Variants in SHANK2 observed in about 807,000 individuals in gnomAD.
SHANK2 encodes the protein SH3 and multiple ankyrin repeat domains 2, also known as SH3 and multiple ankyrin repeat domains protein 2.
Under a neutral mutation model 133.7 loss-of-function variants are expected in SHANK2, and 43 were observed. That is an observed-to-expected ratio of 0.32 (90% CI 0.25 to 0.41). The LOEUF (loss-of-function observed/expected upper bound fraction) is 0.41. SHANK2 is among the 10% of genes least tolerant of loss of function. SHANK2 has a pLI of 1.00. For synonymous variants in SHANK2, 1,017 were observed against 952.8 expected, an observed-to-expected ratio of 1.07 and a Z score of -1.24; for missense variants, 1,994 against 2,235.8, an observed-to-expected ratio of 0.89 and a Z score of 2.18.
At chr11:70,743,818 C>T (rs574530091) in intron 14 of SHANK2, among the ~76,000 whole-genome samples, 4 of 152,296 alleles carry the variant, frequency 2.6e-5, no homozygotes, top group South Asian at 2.1e-4. Context: ...GGCTCCAAAA[C>T]GTCTTTCTTT....
At chr11:71,064,578 A>C (rs923137014) in intron 9 of SHANK2, among the ~76,000 whole-genome samples, 3 of 151,850 alleles carry the variant, frequency 2.0e-5, no homozygotes, top group African/African-American at 4.8e-5. Context: ...GAGGGAAGAC[A>C]GACTGGAAGG....
intron 15 of SHANK2, among the ~76,000 whole-genome samples, chr11:70,689,208 C>T (rs549072715): frequency 6.6e-6 from 1 of 152,054 alleles, no homozygotes; most frequent in South Asian, 2.1e-4. Flanking sequence ...GTGTGATTGA[C>T]AAAATAATAA....
chr11:70,657,256 A>G (rs1419251794), intron 17 of SHANK2, among the ~76,000 whole-genome samples: 1 of 152,190 alleles, frequency 6.6e-6, no homozygotes, highest in Non-Finnish European at 1.5e-5. Flanking sequence ...CCGGGAGCTC[A>G]GAAACCCCAC....
intron 15 of SHANK2, among the ~76,000 whole-genome samples, chr11:70,697,475 G>A (rs1945421896): frequency 2.0e-5 from 3 of 152,182 alleles, no homozygotes; most frequent in East Asian, 1.9e-4. Flanking sequence ...GTGGGTGGGT[G>A]CGAGGGGCAA....
intron 17 of SHANK2, among the ~76,000 whole-genome samples, chr11:70,529,786 A>G (rs961991314): frequency 1.3e-5 from 2 of 152,124 alleles, no homozygotes; most frequent in Admixed American, 6.5e-5. Context: ...GGAATCAGAC[A>G]CTATCTGGCC....
In SHANK2 at chr11:70,487,582, G is replaced by A. The variant is rs574473398; in HGVS notation, c.2711C>T (p.Thr904Ile). The A allele has an allele frequency of 6.2e-7, 1 of 1,613,228 alleles. No individual in the cohort carries two copies. The highest frequency in any genetic ancestry group is 8.5e-7 in the Non-Finnish European group (1 of 1,179,694). ...TGGGGACTTGGGGCAGTTGTAAGTG[G>A]TTGGGGAAGGTGGTGGTGGGGACGG... ...VPPSPPPPSPTTYNCPKSPTP... is the reference protein window; with the variant it reads ...VPPSPPPPSPITYNCPKSPTP... The change falls in exon 25 of 26, where the codon ACC becomes ATC. Residue 904 changes from threonine to isoleucine, a missense_variant. Around this residue, in one of 5 missense-constraint regions of SHANK2, gnomAD observed 488 missense variants for 642.6 expected, o/e 0.76. Transcript: ENST00000601538. This position sits in a 1 kb window ranked among gnomAD's most constrained non-coding sequence, Gnocchi z 5.8.
intron 13 of SHANK2, among the ~76,000 whole-genome samples, chr11:70,803,541 A>T (rs1028400809): frequency 6.6e-6 from 1 of 151,996 alleles, no homozygotes. Flanking sequence ...GAGCTTGTTA[A>T]CTATTCAGAT....
intron 17 of SHANK2, among the ~76,000 whole-genome samples, chr11:70,549,081 G>T (rs2059732051): frequency 6.6e-6 from 1 of 152,116 alleles, no homozygotes; most frequent in African/African-American, 2.4e-5. Context: ...CTAGCCACAG[G>T]GTCTGTGGGA....
chr11:70,696,460 T>A (rs1261428287), intron 15 of SHANK2, among the ~76,000 whole-genome samples: 2 of 152,194 alleles, frequency 1.3e-5, no homozygotes, highest in Non-Finnish European at 2.9e-5. Flanking sequence ...TATGACCACC[T>A]GCCCAGGGTC....
At chr11:70,924,458 T>A (rs7123443) in intron 10 of SHANK2, among the ~76,000 whole-genome samples, 12,803 of 151,962 alleles carry the variant, frequency 0.084, 708 homozygotes, top group African/African-American at 0.15. Context: ...GATACTTTTT[T>A]AAAAATTTTT....
chr11:70,801,302 C>T (rs782115779), intron 13 of SHANK2, among the ~76,000 whole-genome samples: 6 of 152,322 alleles, frequency 3.9e-5, no homozygotes, highest in East Asian at 1.9e-4. Flanking sequence ...GCAGAGGTGA[C>T]GTGCTGCAAG....
chr11:70,880,167 C>G (rs1453634790), intron 11 of SHANK2, among the ~76,000 whole-genome samples: 2 of 152,206 alleles, frequency 1.3e-5, no homozygotes, highest in Non-Finnish European at 2.9e-5. Flanking sequence ...GCATAGATAA[C>G]CTGGGCAGCC....
At chr11:71,181,318 C>A (rs1256359166) in intron 2 of SHANK2, among the ~76,000 whole-genome samples, 1 of 152,114 alleles carries the variant, frequency 6.6e-6, no homozygotes, top group Non-Finnish European at 1.5e-5. Context: ...CACTGGGTAA[C>A]AAGTGGCACA....
intron 15 of SHANK2, among the ~76,000 whole-genome samples, chr11:70,682,528 C>G (rs1214778342): frequency 6.6e-6 from 1 of 152,192 alleles, no homozygotes; most frequent in Non-Finnish European, 1.5e-5. Context: ...GCACAGTGGC[C>G]CCTTCTGGGA....
At chr11:70,926,278 AT>A (rs1269904520) in intron 10 of SHANK2, among the ~76,000 whole-genome samples, 1 of 152,120 alleles carries the variant, frequency 6.6e-6, no homozygotes, top group Admixed American at 6.5e-5. Context: ...GAACATGGTG[AT>A]ACGTGCCTGT....
intron 6 of SHANK2, 107 bp from the exon 7 acceptor site, chr11:71,094,795 C>T (rs1555095037): frequency 2.4e-6 from 3 of 1,242,630 alleles, no homozygotes; most frequent in East Asian, 2.6e-5. Context: ...TCCCCTCCTC[C>T]ACCTCCAGGG....
chr11:70,650,735 C>A (rs996978553), intron 17 of SHANK2, among the ~76,000 whole-genome samples: 1 of 152,204 alleles, frequency 6.6e-6, no homozygotes, highest in Non-Finnish European at 1.5e-5. Context: ...ACCTCACTTA[C>A]CCATCAAAGC....
intron 8 of SHANK2, among the ~76,000 whole-genome samples, chr11:71,085,671 TTATA>T (rs1162525423): frequency 5.4e-5 from 1 of 18,682 alleles, no homozygotes; most frequent in East Asian, 1.4e-3. Flanking sequence ...ATTATATATG[TTATA>T]TATATAATAT....
At chr11:70,833,968 A>G (rs1214857193) in intron 11 of SHANK2, among the ~76,000 whole-genome samples, 1 of 152,240 alleles carries the variant, frequency 6.6e-6, no homozygotes, top group African/African-American at 2.4e-5. Context: ...AGGAGCTCCA[A>G]GTTGATGAAG....
Sources: gnomAD v4.1 joint callset for allele counts (sites outside exome capture counted in the v4.1 genomes callset) on GRCh38, gnomAD v4.1.1 for gene constraint, gnomAD v4.1.1 regional missense constraint, Gnocchi (gnomAD v3.1) non-coding constraint, MANE v1.5 for transcripts, NCBI Gene and HGNC (gene_info 2026-07-23, HGNC 2026-07-21) for gene names.